The following CDH13 variants were observed in gnomAD, a reference collection of about 807,000 sequenced individuals.
CDH13 encodes cadherin-13.
CDH13 carries 24 observed loss-of-function variants against 63.8 expected under a neutral mutation model. That is an observed-to-expected ratio of 0.38 (90% CI 0.27 to 0.53). CDH13 has a LOEUF of 0.53. CDH13 is among the 20% of genes least tolerant of loss of function. The probability of loss-of-function intolerance (pLI) is 0.85; values close to 1 mark genes in which losing one functional copy is unlikely to be tolerated. For missense variants in CDH13, 1,049 were observed against 903.1 expected, an observed-to-expected ratio of 1.16 and a Z score of -2.07; for synonymous variants, 503 against 355.3, an observed-to-expected ratio of 1.42 and a Z score of -4.67.
At chr16:83,166,356 G>T (rs760229697) in intron 4 of CDH13, among the ~76,000 whole-genome samples, 2 of 152,070 alleles carry the variant, frequency 1.3e-5, no homozygotes, top group Non-Finnish European at 2.9e-5. Context: ...TGGGCTTTGA[G>T]GACCTCTCGG....
chr16:82,873,432 G>A (rs1389724627), intron 2 of CDH13, among the ~76,000 whole-genome samples: 3 of 152,154 alleles, frequency 2.0e-5, no homozygotes, highest in Admixed American at 6.5e-5. Context: ...TGGTGTTGGA[G>A]TCTTCTTTCA....
At chr16:82,924,468 T>A (rs1400454421) in intron 2 of CDH13, among the ~76,000 whole-genome samples, 1 of 152,200 alleles carries the variant, frequency 6.6e-6, no homozygotes. Context: ...TGGTTGCGGT[T>A]TTCGGGCTTT....
rs74031264 is a variant in CDH13, at chr16:82,854,120, C to G, written c.46-4242C>G. ...TCTCTTAAGAAATTAAAGGGCAAGG[C>G]TGGGCTTGGTGGCTTATGCCTGTAA... On this transcript the variant is annotated intron_variant, in intron 1 of 13. Coordinates refer to ENST00000567109, the MANE Select transcript of CDH13 (RefSeq NM_001257.5). Among the ~76,000 whole-genome samples, 337 of 152,244 alleles carry G rather than the reference C, an allele frequency of 2.2e-3. 1 individual carries two copies. Among genetic ancestry groups the G allele is most frequent in the African/African-American group, 7.8e-3 (326 of 41,550 alleles).
chr16:83,438,951 A>G (rs2072403401), intron 6 of CDH13, among the ~76,000 whole-genome samples: 1 of 152,236 alleles, frequency 6.6e-6, no homozygotes, highest in Non-Finnish European at 1.5e-5. Context: ...TTTATCATGC[A>G]TATCCTCATC....
In CDH13 at chr16:83,216,402, A is replaced by ATATATATG. The variant is rs1555513834; in HGVS notation, c.484-936_484-935insGTATATAT. Among the ~76,000 whole-genome samples, 297 of 50,314 alleles carry ATATATATG rather than the reference A, an allele frequency of 5.9e-3. 21 individuals are homozygous for ATATATATG. Among genetic ancestry groups the ATATATATG allele is most frequent in the South Asian group, 9.1e-3 (12 of 1,314 alleles). The allele number at this position is 50,314 out of a possible 152,430, so 33.0% of individuals were successfully genotyped here. Reference sequence around the variant, plus strand: ...TCCTCTGCCTCCAGCATTGAAATATATATATATATATATATATATATATAT... The same window carrying ATATATATG: ...TCCTCTGCCTCCAGCATTGAAATATATATATATGTATATATATATATATATATATATAT... On this transcript the variant is annotated intron_variant, in intron 4 of 13. Transcript: ENST00000567109.
intron 1 of CDH13, among the ~76,000 whole-genome samples, chr16:82,716,483 G>T (rs970676310): frequency 4.0e-5 from 6 of 151,456 alleles, no homozygotes; most frequent in Admixed American, 1.3e-4. Flanking sequence ...ATCCAGAAGG[G>T]AGCCACAAAA....
intron 6 of CDH13, among the ~76,000 whole-genome samples, chr16:83,391,292 G>T (rs2091781212): frequency 6.6e-6 from 1 of 151,274 alleles, no homozygotes; most frequent in Non-Finnish European, 1.5e-5. Flanking sequence ...TGCAACCTCT[G>T]CCTCCCGGGT....
intron 2 of CDH13, among the ~76,000 whole-genome samples, chr16:82,867,900 C>G (rs1362123118): frequency 6.6e-6 from 1 of 152,138 alleles, no homozygotes; most frequent in Non-Finnish European, 1.5e-5. Context: ...TTTTATCTGT[C>G]TACATTCTCT....
chr16:82,629,714 A>G (rs1269110271), intron 1 of CDH13, among the ~76,000 whole-genome samples: 1 of 152,068 alleles, frequency 6.6e-6, no homozygotes, highest in Non-Finnish European at 1.5e-5. Flanking sequence ...TTTTGGTAGG[A>G]GGTGAGGAAT....
intron 7 of CDH13, among the ~76,000 whole-genome samples, chr16:83,512,680 A>AAT (rs1178994145): frequency 1.1e-4 from 16 of 150,204 alleles, no homozygotes; most frequent in South Asian, 1.0e-3. Context: ...TAATAATAAT[A>AAT]ATAATATAAT....
intron 7 of CDH13, among the ~76,000 whole-genome samples, chr16:83,600,734 A>T (rs1392820689): frequency 6.6e-6 from 1 of 152,182 alleles, no homozygotes; most frequent in African/African-American, 2.4e-5. Flanking sequence ...CTGTGTGATG[A>T]TTAAGAAATC....
chr16:83,389,770 G>C (rs6563902), intron 6 of CDH13, among the ~76,000 whole-genome samples: 77,287 of 152,100 alleles, frequency 0.51, 20,725 homozygotes, highest in African/African-American at 0.69. Context: ...GGAATCTGAA[G>C]TGGTTCCACT....
chr16:83,757,220 G>A (rs1913583482), intron 11 of CDH13, among the ~76,000 whole-genome samples: 1 of 152,164 alleles, frequency 6.6e-6, no homozygotes, highest in South Asian at 2.1e-4. Context: ...AAACTTGTGG[G>A]ATGCACTAAA....
At chr16:83,188,839 C>G (rs191600421) in intron 4 of CDH13, among the ~76,000 whole-genome samples, 2 of 152,296 alleles carry the variant, frequency 1.3e-5, no homozygotes, top group Middle Eastern at 3.4e-3. Context: ...AGCTGCTTGT[C>G]GCCTTGCCTT....
intron 5 of CDH13, among the ~76,000 whole-genome samples, chr16:83,265,340 C>A (rs1907482451): frequency 6.6e-6 from 1 of 152,124 alleles, no homozygotes. Flanking sequence ...GTGTATTTCG[C>A]ATGCCTGAAA....
intron 5 of CDH13, among the ~76,000 whole-genome samples, chr16:83,333,840 A>G (rs549002738): frequency 1.3e-5 from 2 of 152,272 alleles, no homozygotes; most frequent in Admixed American, 1.3e-4. Context: ...CTTTTATTCT[A>G]AGAAGATTCT....
intron 2 of CDH13, among the ~76,000 whole-genome samples, chr16:83,020,827 A>G (rs1915277923): frequency 6.6e-6 from 1 of 152,214 alleles, no homozygotes; most frequent in East Asian, 1.9e-4. Flanking sequence ...GAGACTGTCA[A>G]GGCATCAAAA....
Position 83,139,833 on chromosome 16 carries a change from T to C in CDH13, c.483+14332T>C, listed in dbSNP as rs529390529. 4.3e-4 allele frequency among the ~76,000 whole-genome samples: 65 copies of C among 152,156 alleles called. No homozygotes were observed. In the South Asian group the frequency reaches 0.011, roughly 27 times the overall value. On this transcript the variant is annotated intron_variant, in intron 4 of 13. Coordinates refer to ENST00000567109, the MANE Select transcript of CDH13 (RefSeq NM_001257.5). Reference sequence around the variant, plus strand: ...CCCTGACCAACATGGAGAAACCCCATCTCTACTAAAAATACAAAATTAGTT... The same window carrying C: ...CCCTGACCAACATGGAGAAACCCCACCTCTACTAAAAATACAAAATTAGTT...
At chr16:83,525,973 G>C (rs2074950417) in intron 7 of CDH13, among the ~76,000 whole-genome samples, 1 of 152,204 alleles carries the variant, frequency 6.6e-6, no homozygotes, top group Admixed American at 6.5e-5. Context: ...CTCTGGAAAG[G>C]AGTGCAGCCC....
Sources: allele counts gnomAD v4.1 joint callset (sites outside exome capture counted in the v4.1 genomes callset), GRCh38; gene constraint gnomAD v4.1.1; transcripts MANE v1.5; gene names NCBI Gene and HGNC (gene_info 2026-07-23, HGNC 2026-07-21).